SOX13: variants seen among roughly 807,000 people sequenced by gnomAD.
SOX13 encodes the protein transcription factor SOX-13.
SOX13 carries 28 observed loss-of-function variants against 71.8 expected under a neutral mutation model. That is an observed-to-expected ratio of 0.39 (90% CI 0.29 to 0.53). SOX13 has a LOEUF of 0.53. Among genes scored for constraint, SOX13 ranks in the 20% least tolerant of loss-of-function variants. The probability of loss-of-function intolerance (pLI) is 0.70; values close to 1 mark genes in which losing one functional copy is unlikely to be tolerated. For synonymous variants in SOX13, 309 were observed against 317.8 expected, an observed-to-expected ratio of 0.97 and a Z score of 0.29; for missense variants, 627 against 810.3, an observed-to-expected ratio of 0.77 and a Z score of 2.75.
At chr1:204,104,564 G>T (rs1301706926) in intron 1 of SOX13, among the ~76,000 whole-genome samples, 1 of 152,252 alleles carries the variant, frequency 6.6e-6, no homozygotes. Context: ...GCTTTCAGAG[G>T]AAGTGGCATT....
chr1:204,079,037 G>A (rs550590615), intron 1 of SOX13, among the ~76,000 whole-genome samples: 28 of 152,294 alleles, frequency 1.8e-4, no homozygotes, highest in East Asian at 9.7e-4. Context: ...GGTGGCTCAC[G>A]CCTGTAATCC....
At chr1:204,105,071 T>C (rs1482085631) in intron 1 of SOX13, among the ~76,000 whole-genome samples, 2 of 152,134 alleles carry the variant, frequency 1.3e-5, no homozygotes, top group African/African-American at 4.8e-5. Flanking sequence ...GATCGGCACC[T>C]GCAGCGGGCT....
chr1:204,126,478 C>A lies in SOX13; in HGVS notation c.*344C>A. 3.3e-6 allele frequency: 1 copy of A among 307,152 alleles called. No homozygotes were observed. Among genetic ancestry groups the A allele is most frequent in the East Asian group, 6.7e-5 (1 of 14,872 alleles). 19.0% of individuals were successfully genotyped at this position (307,152 alleles called of 1,614,324 possible). Reference sequence around the variant, plus strand: ...ATCTACCGACCTGTCTCCCTGGGGTCACATGCTTTGTTTCCATTCTTGTCC... The same window carrying A: ...ATCTACCGACCTGTCTCCCTGGGGTAACATGCTTTGTTTCCATTCTTGTCC... On this transcript the variant is annotated 3_prime_UTR_variant, in exon 14 of 14. Coordinates refer to ENST00000367204, the MANE Select transcript of SOX13 (RefSeq NM_005686.3).
intron 1 of SOX13, among the ~76,000 whole-genome samples, chr1:204,098,164 TTTTC>T (rs746758792): frequency 3.3e-5 from 5 of 152,102 alleles, no homozygotes; most frequent in African/African-American, 4.8e-5. Context: ...GCCCAACCTG[TTTTC>T]TTTATGTTAT....
At position 204,103,422 on chromosome 1, in the gene SOX13, C is replaced by G. The variant is rs181505154; in HGVS notation, c.-1-9493C>G. ...CATCAGCGAGGCCTGAGTTCAAATG[C>G]TACTTCTGCTGGGCCCTCAGTAGGA... On this transcript the variant is annotated intron_variant, in intron 1 of 13. Transcript: ENST00000367204. 1.8e-3 allele frequency among the ~76,000 whole-genome samples: 276 copies of G among 152,320 alleles called. 2 individuals carry two copies. The highest frequency in any genetic ancestry group is 5.6e-3 in the African/African-American group (231 of 41,580).
intron 1 of SOX13, among the ~76,000 whole-genome samples, chr1:204,096,765 C>T (rs1425887524): frequency 6.6e-6 from 1 of 152,082 alleles, no homozygotes; most frequent in African/African-American, 2.4e-5. Flanking sequence ...GCCCAGGCTT[C>T]TATCTGTTTT....
intron 4 of SOX13, chr1:204,116,078 G>A: frequency 1.0e-6 from 1 of 968,962 alleles, no homozygotes; most frequent in African/African-American, 1.7e-5. Flanking sequence ...TTGCCTAACA[G>A]CTCACAGACA....
chr1:204,079,796 G>A (rs945019761), intron 1 of SOX13, among the ~76,000 whole-genome samples: 7 of 152,162 alleles, frequency 4.6e-5, no homozygotes, highest in African/African-American at 1.7e-4. Context: ...TGCTGTCAGG[G>A]AGGACCTCCA....
chr1:204,083,683 G>A (rs949399170), intron 1 of SOX13, among the ~76,000 whole-genome samples: 10 of 152,208 alleles, frequency 6.6e-5, no homozygotes, highest in African/African-American at 4.8e-5. Context: ...TGGAGTGGAT[G>A]TTGGGGACTG....
chr1:204,110,094 A>C (rs1222065211), intron 1 of SOX13, among the ~76,000 whole-genome samples: 1 of 151,956 alleles, frequency 6.6e-6, no homozygotes, highest in African/African-American at 2.4e-5. Flanking sequence ...GGCCTCCCAA[A>C]GTGCTGGAAT....
At chr1:204,083,270 G>A (rs1297548175) in intron 1 of SOX13, among the ~76,000 whole-genome samples, 1 of 152,124 alleles carries the variant, frequency 6.6e-6, no homozygotes. Context: ...ATTGGCCACA[G>A]GTGTAAGGAG....
At chr1:204,111,027 G>A (rs1656570459) in intron 1 of SOX13, among the ~76,000 whole-genome samples, 1 of 152,066 alleles carries the variant, frequency 6.6e-6, no homozygotes, top group South Asian at 2.1e-4. Flanking sequence ...TTTGTGGGAG[G>A]GACTTATGAC....
At chr1:204,086,334 C>G (rs938519632) in intron 1 of SOX13, among the ~76,000 whole-genome samples, 1 of 152,124 alleles carries the variant, frequency 6.6e-6, no homozygotes, top group African/African-American at 2.4e-5. Flanking sequence ...AATGGAGTCT[C>G]GCTGTGTCGC....
rs1218259027 is a variant in SOX13 at position 204,126,279 on chromosome 1, A to C, written c.*145A>C. On this transcript the variant is annotated 3_prime_UTR_variant, in exon 14 of 14. Transcript: ENST00000367204. The stretch of plus-strand genomic sequence containing the variant: ...GGCAAAGCTGTGCACTTGCAGATAC[A>C]TTCATGAGGGGAGAGGCGCCCTCCC... 4 of 889,060 alleles carry C rather than the reference A, an allele frequency of 4.5e-6. No individual in the cohort carries two copies. The East Asian group carries it at 1.1e-4, about 24-fold the overall frequency. 55.1% of individuals were successfully genotyped at this position (889,060 alleles called of 1,614,324 possible).
chr1:204,112,608 G>A lies in SOX13; in HGVS notation c.-1-307G>A, dbSNP rs1047207994. On this transcript the variant is annotated intron_variant, in intron 1 of 13. Coordinates refer to ENST00000367204, the MANE Select transcript of SOX13 (RefSeq NM_005686.3). The stretch of plus-strand genomic sequence containing the variant: ...AGTATCTGGCCTCGTTAGTTGGGCC[G>A]TCAGTCCACTAGTCCCGTAGTCCCA... Among the ~76,000 whole-genome samples, 5 of 152,112 alleles carry A rather than the reference G, an allele frequency of 3.3e-5. No individual in the cohort carries two copies. In the East Asian group the frequency reaches 5.8e-4, roughly 18 times the overall value.
intron 6 of SOX13, 84 bp from the exon 7 acceptor site, chr1:204,117,509 G>C (rs968832634): frequency 1.9e-5 from 16 of 851,456 alleles, no homozygotes; most frequent in African/African-American, 3.4e-5. Context: ...TTGTCCATGG[G>C]TCCATTCTCT....
intron 7 of SOX13, among the ~76,000 whole-genome samples, chr1:204,121,106 AAT>A (rs2102263829): frequency 6.6e-6 from 1 of 151,894 alleles, no homozygotes; most frequent in South Asian, 2.1e-4. Context: ...CAGCCTCCTG[AAT>A]ATCTGGGATT....
chr1:204,121,660 T>TTAAA (rs1366759605), intron 7 of SOX13, among the ~76,000 whole-genome samples: 29 of 152,214 alleles, frequency 1.9e-4, no homozygotes, highest in Admixed American at 1.3e-3. Flanking sequence ...GAAACTCTAT[T>TTAAA]TAGAGTGGGT....
chr1:204,098,002 G>A (rs1015952536), intron 1 of SOX13, among the ~76,000 whole-genome samples: 10 of 152,032 alleles, frequency 6.6e-5, no homozygotes, highest in Admixed American at 6.6e-4. Context: ...GGGACTACAG[G>A]TGTGTGCCAC....
Sources: allele counts gnomAD v4.1 joint callset (sites outside exome capture counted in the v4.1 genomes callset), GRCh38; gene constraint gnomAD v4.1.1; transcripts MANE v1.5; gene names NCBI Gene and HGNC (gene_info 2026-07-23, HGNC 2026-07-21).